Variants in SPAG9 observed in about 807,000 individuals in gnomAD.
SPAG9 encodes C-Jun-amino-terminal kinase-interacting protein 4.
In SPAG9, 35 loss-of-function variants were observed where a neutral mutation model predicts 166.5. The observed-to-expected ratio is 0.21, with a 90% confidence interval of 0.16 to 0.28. The LOEUF (loss-of-function observed/expected upper bound fraction) is 0.28. SPAG9 is among the 10% of genes least tolerant of loss of function. SPAG9 has a pLI of 1.00. For missense variants in SPAG9, 1,235 were observed against 1,603.3 expected, an observed-to-expected ratio of 0.77 and a Z score of 3.92; for synonymous variants, 534 against 565.5, an observed-to-expected ratio of 0.94 and a Z score of 0.79.
chr17:51,021,460 T>G, intron 6 of SPAG9, 95 bp from the exon 7 acceptor site: 3 of 1,077,538 alleles, frequency 2.8e-6, no homozygotes, highest in Non-Finnish European at 3.9e-6. Flanking sequence ...CAAAGAAAGT[T>G]CTATTTTTTT....
At chr17:51,107,713 G>C (rs2048993599) in intron 1 of SPAG9, among the ~76,000 whole-genome samples, 1 of 151,160 alleles carries the variant, frequency 6.6e-6, no homozygotes, top group South Asian at 2.1e-4. Context: ...CTCCAGCCTG[G>C]GCGACAGCAA....
intron 5 of SPAG9, among the ~76,000 whole-genome samples, chr17:51,041,071 G>A (rs904278851): frequency 2.6e-5 from 4 of 152,034 alleles, no homozygotes; most frequent in Non-Finnish European, 4.4e-5. Flanking sequence ...TCTATGAAGC[G>A]GTTTTAAAGA....
chr17:50,993,737 G>A (rs1975816352), intron 19 of SPAG9, 27 bp downstream of exon 19: 1 of 1,608,592 alleles, frequency 6.2e-7, no homozygotes, highest in Admixed American at 1.7e-5. Flanking sequence ...GGAGGGGAGG[G>A]CAGAGAAACG....
Position 50,990,173 on chromosome 17 carries a change from A to G in SPAG9, c.2617+277T>C, listed in dbSNP as rs1597923826. On this transcript the variant is annotated intron_variant, in intron 20 of 29. Transcript: ENST00000262013. ...CTCCCGAGTAGCTGGGACTACAGGCACCCGCCACCACGCCCGGTTAATTTT... is the reference window on the plus strand; with the variant it reads ...CTCCCGAGTAGCTGGGACTACAGGCGCCCGCCACCACGCCCGGTTAATTTT... 8.8e-5 allele frequency: 45 copies of G among 510,938 alleles called. No homozygotes were observed. The East Asian group carries it at 1.6e-3, about 18-fold the overall frequency. 31.7% of individuals were successfully genotyped at this position (510,938 alleles called of 1,614,324 possible). A position where few individuals can be genotyped will look rare whatever the true frequency, so the allele number is the denominator to read the frequency against.
chr17:51,030,913 CTTTTT>C (rs35796324), intron 6 of SPAG9: 4 of 109,252 alleles, frequency 3.7e-5, no homozygotes, highest in Non-Finnish European at 3.8e-5. Flanking sequence ...ATGTAGCAGG[CTTTTT>C]TTTTTTTTTT....
intron 1 of SPAG9, among the ~76,000 whole-genome samples, chr17:51,089,651 TATATATATATATACAC>T (rs2048406145): frequency 2.0e-5 from 2 of 100,770 alleles, no homozygotes; most frequent in African/African-American, 7.9e-5. Context: ...TATATATATA[TATATATATATATACAC>T]ATACACACAC....
At chr17:50,970,174 A>T (rs1358915228) in intron 29 of SPAG9, among the ~76,000 whole-genome samples, 1 of 152,216 alleles carries the variant, frequency 6.6e-6, no homozygotes, top group East Asian at 1.9e-4. Context: ...CATTGACCAC[A>T]TCCTGCTATT....
At chr17:51,089,379 G>C (rs1158751273) in intron 1 of SPAG9, among the ~76,000 whole-genome samples, 1 of 151,390 alleles carries the variant, frequency 6.6e-6, no homozygotes, top group Non-Finnish European at 1.5e-5. Context: ...AGGTGAGACT[G>C]TGCCATTGCA....
intron 1 of SPAG9, among the ~76,000 whole-genome samples, chr17:51,112,171 G>A (rs901276253): frequency 6.6e-6 from 1 of 152,070 alleles, no homozygotes; most frequent in Non-Finnish European, 1.5e-5. Context: ...TTCAGAAAGT[G>A]TCTGAATGAC....
At chr17:51,014,128 G>T in intron 9 of SPAG9, 104 bp downstream of exon 9, 1 of 967,062 alleles carries the variant, frequency 1.0e-6, no homozygotes, top group South Asian at 2.3e-5. Context: ...CAATAACCCT[G>T]TATCACTGAG....
At chr17:50,985,875 A>G (rs1975011258) in intron 22 of SPAG9, 97 bp from the exon 23 acceptor site, 2 of 655,806 alleles carry the variant, frequency 3.0e-6, no homozygotes, top group Non-Finnish European at 5.1e-6. Flanking sequence ...AGGAAAGAAG[A>G]GTAACATACA....
At chr17:51,024,408 T>C (rs187609143) in intron 6 of SPAG9, among the ~76,000 whole-genome samples, 1 of 152,060 alleles carries the variant, frequency 6.6e-6, no homozygotes, top group East Asian at 1.9e-4. Context: ...CATATAAAAA[T>C]AAAATAGCAT....
intron 5 of SPAG9, chr17:51,040,580 T>C (rs1173394372): frequency 2.0e-5 from 3 of 152,204 alleles, no homozygotes; most frequent in South Asian, 2.1e-4. Context: ...GTACCTATAA[T>C]GTGCTAGGCA....
chr17:51,044,167 TG>T (rs1354638387), intron 4 of SPAG9, among the ~76,000 whole-genome samples: 1 of 152,114 alleles, frequency 6.6e-6, no homozygotes, highest in Non-Finnish European at 1.5e-5. Context: ...TACATACAGT[TG>T]GGGTAAGGGA....
intron 19 of SPAG9, 21 bp downstream of exon 19, chr17:50,993,743 A>G: frequency 6.2e-7 from 1 of 1,610,794 alleles, no homozygotes; most frequent in Non-Finnish European, 8.5e-7. Context: ...GAGGGCAGAG[A>G]AACGCATGAC....
Position 51,037,683 on chromosome 17 carries a change from ATAGTGTGTGTGTGTGT to A in SPAG9, c.741+3802_741+3817del, listed in dbSNP as rs955851055. On this transcript the variant is annotated intron_variant, in intron 5 of 29. Coordinates refer to ENST00000262013, the MANE Select transcript of SPAG9 (RefSeq NM_001130528.3). ...ATGTGTTTTATATATATATATATAT[ATAGTGTGTGTGTGTGT>A]GTGTGTGTGTGTGTGTGTGTGTATA... Among the ~76,000 whole-genome samples, 6 of 101,888 alleles carry A rather than the reference ATAGTGTGTGTGTGTGT, an allele frequency of 5.9e-5. 1 individual carries two copies. The South Asian group carries it at 1.2e-3, about 20-fold the overall frequency. The allele number at this position is 101,888 out of a possible 152,430, so 66.8% of individuals were successfully genotyped here.
Position 51,047,484 on chromosome 17 carries a change from G to GA in SPAG9, c.496-16dup, listed in dbSNP as rs11400140. ...TTATGGATCATCTATTTTAAAGAAAGAAAAAATACACAATATTTAAGGCTA... is the reference window on the plus strand; with the variant it reads ...TTATGGATCATCTATTTTAAAGAAAGAAAAAAATACACAATATTTAAGGCTA... On this transcript the variant is annotated splice_polypyrimidine_tract_variant and intron_variant, in intron 3 of 29. Coordinates refer to ENST00000262013, the MANE Select transcript of SPAG9 (RefSeq NM_001130528.3). 635,137 of 1,158,782 alleles carry GA rather than the reference G, an allele frequency of 0.55. 180,748 individuals are homozygous for GA. Among genetic ancestry groups the GA allele is most frequent in the African/African-American group, 0.67 (42,789 of 63,498 alleles). 71.8% of individuals were successfully genotyped at this position (1,158,782 alleles called of 1,614,324 possible).
chr17:51,050,071 A>C (rs1451793341), intron 3 of SPAG9, among the ~76,000 whole-genome samples: 1 of 152,192 alleles, frequency 6.6e-6, no homozygotes, highest in Admixed American at 6.5e-5. Context: ...CAAAATGCAA[A>C]AATAGTTCTC....
At chr17:51,026,476 G>A (rs2046178377) in intron 6 of SPAG9, among the ~76,000 whole-genome samples, 1 of 151,812 alleles carries the variant, frequency 6.6e-6, no homozygotes, top group African/African-American at 2.4e-5. Flanking sequence ...ATTTATCCTA[G>A]GCTATCCAAA....
Sources: allele counts gnomAD v4.1 joint callset (sites outside exome capture counted in the v4.1 genomes callset), GRCh38; gene constraint gnomAD v4.1.1; transcripts MANE v1.5; gene names NCBI Gene and HGNC (gene_info 2026-07-23, HGNC 2026-07-21).